Variants in CHMP3 observed in about 807,000 individuals in gnomAD.
The protein encoded by CHMP3 is 25.1 protein.
In CHMP3, 8 loss-of-function variants were observed where a neutral mutation model predicts 27.4. The observed-to-expected ratio is 0.29, with a 90% CI of 0.17 to 0.53. The LOEUF (loss-of-function observed/expected upper bound fraction) is 0.53. Ranked by LOEUF, CHMP3 falls within the 20% of genes least tolerant of loss-of-function variation. The probability of loss-of-function intolerance (pLI) is 0.96; values close to 1 mark genes in which losing one functional copy is unlikely to be tolerated. For missense variants in CHMP3, 208 were observed against 271.5 expected (o/e 0.77, Z 1.64); for synonymous variants, 86 against 85.5 (o/e 1.01, Z -0.03).
intron 1 of CHMP3, among the ~76,000 whole-genome samples, chr2:86,543,910 C>T (rs1676457811): frequency 1.3e-5 from 2 of 152,208 alleles, no homozygotes; most frequent in Non-Finnish European, 1.5e-5. Flanking sequence ...GCATTTAGTG[C>T]ATTTACAATG....
chr2:86,508,898 G>T (rs566310434), intron 4 of CHMP3, among the ~76,000 whole-genome samples: 2 of 152,312 alleles, frequency 1.3e-5, no homozygotes, highest in African/African-American at 4.8e-5. Context: ...TGCAATAAAT[G>T]CTTGCTAATT....
chr2:86,525,950 G>A (rs2103933838), intron 3 of CHMP3, among the ~76,000 whole-genome samples: 1 of 152,246 alleles, frequency 6.6e-6, no homozygotes, highest in Non-Finnish European at 1.5e-5. Context: ...TTAAAGGCAT[G>A]GGGTTAGATA....
intron 3 of CHMP3, among the ~76,000 whole-genome samples, chr2:86,514,122 G>C (rs1419840166): frequency 6.6e-6 from 1 of 152,162 alleles, no homozygotes; most frequent in East Asian, 1.9e-4. Flanking sequence ...ACCACACCTT[G>C]GTGTGCTGCT....
intron 3 of CHMP3, among the ~76,000 whole-genome samples, chr2:86,518,553 T>G (rs1006459570): frequency 6.6e-6 from 1 of 152,182 alleles, no homozygotes; most frequent in Non-Finnish European, 1.5e-5. Context: ...AAGTGTGAGT[T>G]GATTCCATAA....
At chr2:86,508,870 G>A (rs986031886) in intron 4 of CHMP3, among the ~76,000 whole-genome samples, 1 of 152,126 alleles carries the variant, frequency 6.6e-6, no homozygotes, top group Admixed American at 6.5e-5. Flanking sequence ...TTAGTACTGG[G>A]GGCTACCATA....
intron 1 of CHMP3, among the ~76,000 whole-genome samples, chr2:86,559,438 T>C (rs1293870836): frequency 1.3e-5 from 2 of 152,198 alleles, no homozygotes; most frequent in African/African-American, 4.8e-5. Flanking sequence ...AAATTCCCTC[T>C]CAACTACCTA....
intron 1 of CHMP3, among the ~76,000 whole-genome samples, chr2:86,551,721 G>A (rs1335146668): frequency 1.3e-5 from 2 of 152,340 alleles, no homozygotes; most frequent in South Asian, 4.1e-4. Flanking sequence ...CTGAGATCTT[G>A]ATTTTGCAAT....
intron 1 of CHMP3, among the ~76,000 whole-genome samples, chr2:86,546,520 C>T (rs971345711): frequency 2.0e-5 from 3 of 151,848 alleles, no homozygotes; most frequent in Admixed American, 2.0e-4. Flanking sequence ...TCACTGCAAC[C>T]TCCACCTCCA....
At chr2:86,539,127 A>G (rs529010526) in intron 2 of CHMP3, among the ~76,000 whole-genome samples, 2 of 152,274 alleles carry the variant, frequency 1.3e-5, no homozygotes, top group East Asian at 3.9e-4. Context: ...CTTGACTGCT[A>G]GCATAAAACC....
At chr2:86,560,654 T>C (rs947525053) in intron 1 of CHMP3, among the ~76,000 whole-genome samples, 1 of 151,156 alleles carries the variant, frequency 6.6e-6, no homozygotes, top group Non-Finnish European at 1.5e-5. Flanking sequence ...CGTGTATATA[T>C]GTAACAAAAC....
At chr2:86,536,891 TTC>T (rs1676166122) in intron 2 of CHMP3, among the ~76,000 whole-genome samples, 2 of 152,192 alleles carry the variant, frequency 1.3e-5, no homozygotes, top group Admixed American at 1.3e-4. Flanking sequence ...CCATTTTTTT[TTC>T]TTTTTCTTTT....
At chr2:86,519,553 T>C (rs1675445212) in intron 3 of CHMP3, among the ~76,000 whole-genome samples, 1 of 152,118 alleles carries the variant, frequency 6.6e-6, no homozygotes, top group Non-Finnish European at 1.5e-5. Context: ...TGTTTTTATA[T>C]GGTATTTACA....
intron 3 of CHMP3, chr2:86,512,169 A>G (rs1675130518): frequency 6.6e-6 from 1 of 152,272 alleles, no homozygotes; most frequent in Non-Finnish European, 1.5e-5. Context: ...TGCCACTGTG[A>G]TAAGTATTAA....
At chr2:86,562,135 T>C (rs1677395672) in intron 1 of CHMP3, 1 of 152,250 alleles carries the variant, frequency 6.6e-6, no homozygotes, top group Non-Finnish European at 1.5e-5. Flanking sequence ...GTGTCTACTG[T>C]TCTAGGGCCT....
chr2:86,555,710 C>A (rs1677095454), intron 1 of CHMP3, among the ~76,000 whole-genome samples: 1 of 152,128 alleles, frequency 6.6e-6, no homozygotes, highest in Non-Finnish European at 1.5e-5. Context: ...TCAAGGCCAG[C>A]ATCTTCAGTG....
At chr2:86,519,076 T>A (rs568853773) in intron 3 of CHMP3, among the ~76,000 whole-genome samples, 1 of 151,954 alleles carries the variant, frequency 6.6e-6, no homozygotes, top group African/African-American at 2.4e-5. Flanking sequence ...TTATCCACCA[T>A]AAAAAAGCAA....
At chr2:86,551,937 T>G (rs980286934) in intron 1 of CHMP3, among the ~76,000 whole-genome samples, 3 of 152,196 alleles carry the variant, frequency 2.0e-5, no homozygotes, top group African/African-American at 7.2e-5. Context: ...TCAGGCTCAC[T>G]CAAATTTTGG....
intron 1 of CHMP3, among the ~76,000 whole-genome samples, chr2:86,553,457 G>A (rs936277241): frequency 5.3e-5 from 8 of 152,000 alleles, no homozygotes; most frequent in Admixed American, 3.9e-4. Flanking sequence ...TCAGCCTCCC[G>A]AGTAGCTGGG....
At chr2:86,525,439 T>C (rs1675665247) in intron 3 of CHMP3, among the ~76,000 whole-genome samples, 1 of 152,004 alleles carries the variant, frequency 6.6e-6, no homozygotes, top group South Asian at 2.1e-4. Context: ...GGTGACTCCT[T>C]TCCCGCTTTT....
Sources: gnomAD v4.1 joint callset for allele counts (sites outside exome capture counted in the v4.1 genomes callset) on GRCh38, gnomAD v4.1.1 for gene constraint, MANE v1.5 for transcripts, NCBI Gene and HGNC (gene_info 2026-07-23, HGNC 2026-07-21) for gene names.